Variants in HRNR observed in about 807,000 individuals in gnomAD.
HRNR encodes the protein filaggrin family member 3.
In HRNR, 7 loss-of-function variants were observed where a neutral mutation model predicts 4.8. The ratio of observed to expected loss-of-function variants is 1.47; its 90% CI spans 0.83 to 2.75. HRNR has a LOEUF of 2.75. HRNR is among the 30% of genes most tolerant of loss of function. HRNR has a pLI of 0.00. For missense variants in HRNR, 2,879 were observed against 3,010.4 expected, an observed-to-expected ratio of 0.96 and a Z score of 1.02; for synonymous variants, 1,023 against 1,242.7, an observed-to-expected ratio of 0.82 and a Z score of 3.72.
rs761882693 is a variant in HRNR, at chr1:152,219,946, A to G, written c.1683T>C (p.His561=). 1 of 1,613,106 alleles carries G rather than the reference A, an allele frequency of 6.2e-7. No homozygotes were observed. The highest frequency in any genetic ancestry group is 8.5e-7 in the Non-Finnish European group (1 of 1,179,560). Residue 561 remains histidine, a synonymous_variant, in exon 3 of 3, where the codon CAT becomes CAC. Transcript: ENST00000368801. ...TTGAAGACCTCCCTGAGCCATACCCATGTGGGCCATAGCTGGAAGACTGCC... is the reference window on the plus strand; with the variant it reads ...TTGAAGACCTCCCTGAGCCATACCCGTGTGGGCCATAGCTGGAAGACTGCC... ...GSRQSSSYGP[H]GYGSGRSSSR...
chr1:152,219,991 G>T lies in HRNR; in HGVS notation c.1638C>A (p.Gly546=), dbSNP rs374952393. 3.7e-6 allele frequency: 6 copies of T among 1,613,028 alleles called. No homozygotes were observed. In the African/African-American group the frequency reaches 6.7e-5, roughly 18 times the overall value. ...ACTGCCTGGAACCAGACTCATGTCG[G>T]CCACGGCTAGGGCTAGGAGACTGGC... The part of the protein sequence containing the change: ...GSGQSPSPSR[G]RHESGSRQSS... The change falls in exon 3 of 3, where the codon GGC becomes GGA. Residue 546 remains glycine, a synonymous_variant. Transcript: ENST00000368801.
At position 152,220,202 on chromosome 1, in the gene HRNR, G is replaced by A; in HGVS notation, c.1427C>T (p.Ser476Phe). Residue 476 changes from serine to phenylalanine, a missense_variant, in exon 3 of 3, where the codon TCT becomes TTT. Around this residue, in one of 8 missense-constraint regions of HRNR, gnomAD observed 2,646 missense variants for 1,377.7 expected, o/e 1.92. Coordinates refer to ENST00000368801, the MANE Select transcript of HRNR (RefSeq NM_001009931.3). ...GCCAGATCCATGCTGAGTGTAACCA[G>A]AGGAATGCTCTGAGCTAGACTCGTG... is the stretch of plus-strand genomic sequence containing the variant. ...GHHESSSEHS[S>F]GYTQHGSGSG... 5 of 1,613,902 alleles carry A rather than the reference G, an allele frequency of 3.1e-6. No individual in the cohort carries two copies. The highest frequency in any genetic ancestry group is 4.2e-6 in the Non-Finnish European group (5 of 1,179,832).
rs769881289 is a variant in HRNR, at chr1:152,218,853, A to G, written c.2776T>C (p.Ser926Pro). The change falls in exon 3 of 3, where the codon TCA becomes CCA. Residue 926 changes from serine (S) to proline (P), a missense_variant. Physicochemically the swap from Ser to Pro is moderately conservative, Grantham distance 74 (BLOSUM62 -1). Transcript: ENST00000368801. ...TGACCAAAGCCAGAAGACTGGCCTGAGCCAGACCCATGTCGGCCACTGCTG... is the reference window on the plus strand; with the variant it reads ...TGACCAAAGCCAGAAGACTGGCCTGGGCCAGACCCATGTCGGCCACTGCTG... ...SSSSGRHGSG[S>P]GQSSGFGHKS... is the part of the protein sequence containing the mutation. 6.2e-7 allele frequency: 1 copy of G among 1,613,918 alleles called. No individual in the cohort carries two copies.
chr1:152,213,524 C>A lies in HRNR; in HGVS notation c.8105G>T (p.Gly2702Val). 2.5e-5 allele frequency: 34 copies of A among 1,356,108 alleles called. 7 individuals carry two copies. Among genetic ancestry groups the A allele is most frequent in the Non-Finnish European group, 3.5e-5 (34 of 976,626 alleles). The allele number at this position is 1,356,108 out of a possible 1,614,324, so 84.0% of individuals were successfully genotyped here. A position where few individuals can be genotyped will look rare whatever the true frequency, so the allele number is the denominator to read the frequency against. ...SVFGQHESGS[G>V]HSSAYSQHGS... ...ATGCTGACTGTAAGCAGAGGAATGT[C>A]CTGAGCCAGACTCATGTTGACCAAA... The change falls in exon 3 of 3, where the codon GGA becomes GTA. Residue 2702 changes from glycine (G) to valine (V), a missense_variant. Around this residue, in one of 8 missense-constraint regions of HRNR, gnomAD observed 20 missense variants for 61.1 expected, o/e 0.33. Coordinates refer to ENST00000368801, the MANE Select transcript of HRNR (RefSeq NM_001009931.3).
chr1:152,220,682 G>T lies in HRNR; in HGVS notation c.947C>A (p.Ser316Ter). Reference sequence around the variant, plus strand: ...TTGGCCGTGGCTGGAGGAGTGCCCCGAACCGGACCCATGTCGGACGTGGCT... The same window carrying T: ...TTGGCCGTGGCTGGAGGAGTGCCCCTAACCGGACCCATGTCGGACGTGGCT... ...SPSHVRHGSGSGHSSSHGQHG... is the reference protein window; with the variant it reads ...SPSHVRHGSG Residue 316 changes from serine (S) to a stop codon, truncating the protein, a stop_gained, in exon 3 of 3, where the codon TCG becomes TAG. Coordinates refer to ENST00000368801, the MANE Select transcript of HRNR (RefSeq NM_001009931.3). LOFTEE classifies it low-confidence loss of function (END_TRUNC). 1 of 1,612,388 alleles carries T rather than the reference G, an allele frequency of 6.2e-7. No homozygotes were observed.
chr1:152,219,046 T>G lies in HRNR; in HGVS notation c.2583A>C (p.Ser861=). The G allele has an allele frequency of 6.2e-7, 1 of 1,613,580 alleles. No homozygotes were observed. Reference sequence around the variant, plus strand: ...GCTGACCATAGCTGGAAGATTGACCTGAGCTAGAGTCATGTTGGCCGGAGC... The same window carrying G: ...GCTGACCATAGCTGGAAGATTGACCGGAGCTAGAGTCATGTTGGCCGGAGC... The part of the protein sequence containing the change: ...SSSSGQHDSS[S]GQSSSYGQHE... Residue 861 remains serine (S), a synonymous_variant, in exon 3 of 3, where the codon TCA becomes TCC. Coordinates refer to ENST00000368801, the MANE Select transcript of HRNR (RefSeq NM_001009931.3).
Position 152,220,139 on chromosome 1 carries a change from C to G in HRNR, c.1490G>C (p.Arg497Thr), listed in dbSNP as rs1648901957. 1.2e-6 allele frequency: 2 copies of G among 1,613,232 alleles called. No individual in the cohort carries two copies. The highest frequency in any genetic ancestry group is 1.7e-6 in the Non-Finnish European group (2 of 1,179,500). ...HSSGHGQHGS[R>T]SGQSSRGERQ... ...TTCACCCCTAGATGACTGTCCTGACCTAGAGCCGTGTTGTCCGTGGCCGGA... is the reference window on the plus strand; with the variant it reads ...TTCACCCCTAGATGACTGTCCTGACGTAGAGCCGTGTTGTCCGTGGCCGGA... The change falls in exon 3 of 3, where the codon AGG (arginine) becomes ACG (threonine). Residue 497 changes from arginine (R) to threonine (T), a missense_variant. This residue lies in a region of HRNR where 2,646 missense variants were observed against 1,377.7 expected (regional missense o/e 1.92). Coordinates refer to ENST00000368801, the MANE Select transcript of HRNR (RefSeq NM_001009931.3).
At position 152,215,621 on chromosome 1, in the gene HRNR, T is replaced by C. The variant is rs1648601998; in HGVS notation, c.6008A>G (p.Tyr2003Cys). Residue 2003 changes from tyrosine to cysteine, a missense_variant, in exon 3 of 3, where the codon TAC becomes TGC. This residue lies in a region of HRNR where 5 missense variants were observed against 621.9 expected (regional missense o/e 0.01). Coordinates refer to ENST00000368801, the MANE Select transcript of HRNR (RefSeq NM_001009931.3). Reference protein sequence around the residue: ...RESRSGQSSGYGQHGSSSGHS... With the variant: ...RESRSGQSSGCGQHGSSSGHS... ...ACCTGAGCTAGATCCATGTTGACCG[T>C]AGCCAGAGGACTGTCCTGAGCGAGA... is the stretch of plus-strand genomic sequence containing the variant. 6.3e-7 allele frequency: 1 copy of C among 1,599,168 alleles called. No individual in the cohort carries two copies. Among genetic ancestry groups the C allele is most frequent in the Non-Finnish European group, 8.5e-7 (1 of 1,176,260 alleles).
In HRNR at chr1:152,220,369, A is replaced by T. The variant is rs768782028; in HGVS notation, c.1260T>A (p.Ser420=). The T allele has an allele frequency of 1.2e-6, 2 of 1,613,624 alleles. No homozygotes were observed. Among genetic ancestry groups the T allele is most frequent in the Non-Finnish European group, 1.7e-6 (2 of 1,179,730 alleles). The change falls in exon 3 of 3, where the codon TCT becomes TCA. Residue 420 remains serine, a synonymous_variant. Coordinates refer to ENST00000368801, the MANE Select transcript of HRNR (RefSeq NM_001009931.3). ...SSGRGQHSSG[S]GQSPGHGQRG... is the part of the protein sequence containing the mutation. ...GCTGGCCGTGGCCTGGAGACTGGCC[A>T]GATCCAGAGCTGTGTTGGCCGCGGC...
rs146279603 is a variant in HRNR, at chr1:152,220,190, T to C, written c.1439A>G (p.Gln480Arg). The change falls in exon 3 of 3, where the codon CAG becomes CGG. Residue 480 changes from glutamine to arginine, a missense_variant. This residue lies in a region of HRNR where 2,646 missense variants were observed against 1,377.7 expected (regional missense o/e 1.92). Coordinates refer to ENST00000368801, the MANE Select transcript of HRNR (RefSeq NM_001009931.3). ...GGAGTGACCTGAGCCAGATCCATGC[T>C]GAGTGTAACCAGAGGAATGCTCTGA... ...SSSEHSSGYT[Q>R]HGSGSGHSSG... The C allele has an allele frequency of 6.2e-6, 10 of 1,613,734 alleles. No individual in the cohort carries two copies. Among genetic ancestry groups the C allele is most frequent in the African/African-American group, 2.7e-5 (2 of 74,872 alleles).
At chr1:152,221,612 CA>C (rs1435348773) in intron 2 of HRNR, 122 bp from the exon 3 acceptor site, 4 of 713,852 alleles carry the variant, frequency 5.6e-6, no homozygotes, top group Non-Finnish European at 9.3e-6. Flanking sequence ...CTCATTCACA[CA>C]GTCCTTTAGG....
rs1446855849 is a variant in HRNR at position 152,219,821 on chromosome 1, C to G, written c.1808G>C (p.Ser603Thr). The G allele has an allele frequency of 1.9e-6, 3 of 1,612,294 alleles. No homozygotes were observed. Among genetic ancestry groups the G allele is most frequent in the East Asian group, 2.2e-5 (1 of 44,730 alleles). ...QSSGYGQHGS[S>T]SGHSSTHGQH... Reference sequence around the variant, plus strand: ...CCCATGGGTAGAGGAATGACCCGAGCTAGATCCGTGTTGACCGTAGCCAGA... The same window carrying G: ...CCCATGGGTAGAGGAATGACCCGAGGTAGATCCGTGTTGACCGTAGCCAGA... The change falls in exon 3 of 3, where the codon AGC (serine) becomes ACC (threonine). Residue 603 changes from serine (S) to threonine (T), a missense_variant. Transcript: ENST00000368801.
In HRNR at chr1:152,219,358, C is replaced by T. The variant is rs374420054; in HGVS notation, c.2271G>A (p.Ser757=). The T allele has an allele frequency of 7.3e-5, 117 of 1,608,576 alleles. No individual in the cohort carries two copies. Among genetic ancestry groups the T allele is most frequent in the East Asian group, 9.0e-5 (4 of 44,510 alleles). Residue 757 remains serine (S), a synonymous_variant, in exon 3 of 3, where the codon TCG becomes TCA. Transcript: ENST00000368801. ...CGTGGCCCGAAGATTGATGGGAGCC[C>T]GACCCATGCTGACCATAGCTGGAAG... ...GLSSSYGQHG[S]GSHQSSGHGR... is the part of the protein sequence containing the mutation.
At position 152,218,848 on chromosome 1, in the gene HRNR, G is replaced by A. The variant is rs368217531; in HGVS notation, c.2781C>T (p.Gly927=). ...SSSGRHGSGS[G]QSSGFGHKSS... ...ACTTGTGACCAAAGCCAGAAGACTG[G>A]CCTGAGCCAGACCCATGTCGGCCAC... Residue 927 remains glycine, a synonymous_variant, in exon 3 of 3, where the codon GGC becomes GGT. Coordinates refer to ENST00000368801, the MANE Select transcript of HRNR (RefSeq NM_001009931.3). The A allele has an allele frequency of 1.4e-4, 223 of 1,611,132 alleles. 1 individual carries two copies. Among genetic ancestry groups the A allele is most frequent in the Middle Eastern group, 3.3e-4 (2 of 6,038 alleles).
Position 152,219,160 on chromosome 1 carries a change from G to A in HRNR, c.2469C>T (p.Gly823=). The A allele has an allele frequency of 1.9e-6, 3 of 1,613,598 alleles. No homozygotes were observed. Among genetic ancestry groups the A allele is most frequent in the Non-Finnish European group, 2.5e-6 (3 of 1,179,942 alleles). The change falls in exon 3 of 3, where the codon GGC becomes GGT. Residue 823 remains glycine, a synonymous_variant. Coordinates refer to ENST00000368801, the MANE Select transcript of HRNR (RefSeq NM_001009931.3). ...QASGFGQHES[G]SGQGYSQHGS... is the part of the protein sequence containing the mutation. The stretch of plus-strand genomic sequence containing the variant: ...CATGCTGACTATAGCCCTGTCCTGA[G>A]CCAGACTCGTGTTGCCCAAAACCAG...
rs763250563 is a variant in HRNR at position 152,218,410 on chromosome 1, G to C, written c.3219C>G (p.Ser1073=). Residue 1073 remains serine, a synonymous_variant, in exon 3 of 3, where the codon TCC becomes TCG. Coordinates refer to ENST00000368801, the MANE Select transcript of HRNR (RefSeq NM_001009931.3). ...TAGAACCGTGTTGCCCATGGGTAGA[G>C]GAATGACCTGAGCTAGATCCATGTT... ...YGQHGSSSGH[S]STHGQHGSTS... is the part of the protein sequence containing the mutation. The C allele has an allele frequency of 6.8e-6, 11 of 1,613,236 alleles. 1 individual carries two copies. Among genetic ancestry groups the C allele is most frequent in the South Asian group, 2.2e-5 (2 of 91,056 alleles).
rs186134307 is a variant in HRNR, at chr1:152,219,457, G to A, written c.2172C>T (p.Ser724=). The change falls in exon 3 of 3, where the codon TCC becomes TCT. Residue 724 remains serine (S), a synonymous_variant. Transcript: ENST00000368801. ...SQHGSGSSHS[S]GYRKHGSRSG... ...ACCTAGAGCCGTGTTTTCTGTAGCC[G>A]GAGGAGTGACTTGAGCCAGATCCAT... The A allele has an allele frequency of 2.0e-5, 32 of 1,613,788 alleles. No individual in the cohort carries two copies. Among genetic ancestry groups the A allele is most frequent in the East Asian group, 1.6e-4 (7 of 44,810 alleles).
chr1:152,219,412 A>G lies in HRNR; in HGVS notation c.2217T>C (p.Ser739=), dbSNP rs138997729. The G allele has an allele frequency of 2.2e-5, 36 of 1,613,314 alleles. No homozygotes were observed. The highest frequency in any genetic ancestry group is 3.0e-5 in the Non-Finnish European group (35 of 1,179,858). Residue 739 remains serine, a synonymous_variant, in exon 3 of 3, where the codon AGT becomes AGC. Coordinates refer to ENST00000368801, the MANE Select transcript of HRNR (RefSeq NM_001009931.3). ...HGSRSGQSSR[S]EQHGSSSGLS... is the part of the protein sequence containing the mutation. The stretch of plus-strand genomic sequence containing the variant: ...AACCTGAGCTAGATCCGTGTTGTTC[A>G]CTCCTAGATGACTGTCCTGACCTAG...
In HRNR at chr1:152,221,071, GGAGTCGGA is replaced by G. The variant is rs1648978476; in HGVS notation, c.550_557del (p.Ser184ProfsTer33). The G allele has an allele frequency of 6.2e-7, 1 of 1,613,994 alleles. No individual in the cohort carries two copies. The highest frequency in any genetic ancestry group is 1.3e-5 in the African/African-American group (1 of 74,844). ...ATTGGCCGCGGCCTGAAGACTGATG[GGAGTCGGA>G]GTTTTGCTCACCATAGCTGGAAGAC... On this transcript the variant is annotated frameshift_variant, in exon 3 of 3. Coordinates refer to ENST00000368801, the MANE Select transcript of HRNR (RefSeq NM_001009931.3). LOFTEE classifies it low-confidence loss of function (END_TRUNC).
Sources: allele counts gnomAD v4.1 joint callset, GRCh38; gene constraint gnomAD v4.1.1; regional missense constraint gnomAD v4.1.1; transcripts MANE v1.5; gene names NCBI Gene and HGNC (gene_info 2026-07-23, HGNC 2026-07-21).